Variants in CEP152 observed in about 807,000 individuals in gnomAD.
The protein encoded by CEP152 is centrosomal protein 152, also known as centrosomal protein of 152 kDa.
A neutral mutation model predicts 188.9 loss-of-function variants in CEP152; 132 were observed. The observed-to-expected ratio is 0.70, with a 90% CI of 0.61 to 0.81. The LOEUF is 0.81. CEP152 is among the 30% of genes least tolerant of loss of function. The pLI is 0.00. For synonymous variants in CEP152, 649 were observed against 666.6 expected (o/e 0.97, Z 0.41); for missense variants, 1,914 against 1,969.8 (o/e 0.97, Z 0.54).
At chr15:48,808,325 C>T (rs1855497618) in intron 1 of CEP152, among the ~76,000 whole-genome samples, 1 of 147,750 alleles carries the variant, frequency 6.8e-6, no homozygotes, top group Non-Finnish European at 1.5e-5. Flanking sequence ...GAAACCTAAC[C>T]ACAAAAAATA....
intron 12 of CEP152, among the ~76,000 whole-genome samples, chr15:48,774,408 TACATCACACCA>T (rs1216174478): frequency 6.6e-6 from 1 of 152,060 alleles, no homozygotes; most frequent in Non-Finnish European, 1.5e-5. Flanking sequence ...AAAACCAGCA[TACATCACACCA>T]ATGTCAGATT....
chr15:48,753,262 G>A (rs1894009112), intron 20 of CEP152, among the ~76,000 whole-genome samples: 1 of 152,092 alleles, frequency 6.6e-6, no homozygotes, highest in Admixed American at 6.5e-5. Context: ...CTCAACCCTC[G>A]TGATCCGCCT....
At chr15:48,758,124 T>A (rs1894410170) in intron 19 of CEP152, among the ~76,000 whole-genome samples, 4 of 152,230 alleles carry the variant, frequency 2.6e-5, no homozygotes, top group Non-Finnish European at 4.4e-5. Context: ...CAGGCAACAG[T>A]ATTTTTTAAA....
rs558903915 is a variant in CEP152 at position 48,799,110 on chromosome 15, A to G, written c.88-1059T>C. On this transcript the variant is annotated intron_variant, in intron 2 of 26. Coordinates refer to ENST00000380950, the MANE Select transcript of CEP152 (RefSeq NM_001194998.2). Reference sequence around the variant, plus strand: ...AAGGACATAAATCAAACCCCATAACATTGTGCAAGTGGATTTTAAAGACTT... The same window carrying G: ...AAGGACATAAATCAAACCCCATAACGTTGTGCAAGTGGATTTTAAAGACTT... Among the ~76,000 whole-genome samples, 29 of 152,194 alleles carry G rather than the reference A, an allele frequency of 1.9e-4. No individual in the cohort carries two copies. In the South Asian group the frequency reaches 3.7e-3, roughly 20 times the overall value.
chr15:48,763,004 T>C (rs1215531282), intron 17 of CEP152, among the ~76,000 whole-genome samples: 1 of 151,976 alleles, frequency 6.6e-6, no homozygotes, highest in Non-Finnish European at 1.5e-5. Context: ...AAAAAAAAAT[T>C]ACAGTTAATG....
At chr15:48,767,893 G>A (rs1336111622) in intron 15 of CEP152, among the ~76,000 whole-genome samples, 1 of 152,100 alleles carries the variant, frequency 6.6e-6, no homozygotes. Context: ...TTGGTATTTG[G>A]AAGACATATT....
chr15:48,741,021 T>C, intron 26 of CEP152: 1 of 987,140 alleles, frequency 1.0e-6, no homozygotes. Flanking sequence ...TTGCTCCTAA[T>C]TGCAATAGTC....
At chr15:48,767,580 G>T in intron 15 of CEP152, 117 bp from the exon 16 acceptor site, 1 of 1,391,274 alleles carries the variant, frequency 7.2e-7, no homozygotes, top group Non-Finnish European at 1.0e-6. Context: ...ATTGAGGTCA[G>T]ATAACTTTTC....
chr15:48,767,817 CAA>C (rs1301405234), intron 15 of CEP152, among the ~76,000 whole-genome samples: 2 of 152,144 alleles, frequency 1.3e-5, no homozygotes, highest in Admixed American at 1.3e-4. Context: ...ATATTAAACA[CAA>C]ATACTAGCAG....
chr15:48,735,072 C>T (rs1892551033), downstream of CEP152, among the ~76,000 whole-genome samples: 1 of 152,162 alleles, frequency 6.6e-6, no homozygotes, highest in African/African-American at 2.4e-5. Flanking sequence ...ACATTCTTTT[C>T]AGGTGCATGT....
At chr15:48,752,557 GA>G (rs1893955107) in intron 20 of CEP152, 88 bp from the exon 21 acceptor site, 3 of 1,526,952 alleles carry the variant, frequency 2.0e-6, no homozygotes, top group Admixed American at 2.0e-5. Flanking sequence ...AATACAAAGA[GA>G]AAACACTACC....
At chr15:48,755,599 T>C (rs1024706532) in intron 20 of CEP152, among the ~76,000 whole-genome samples, 3 of 152,180 alleles carry the variant, frequency 2.0e-5, no homozygotes, top group African/African-American at 7.2e-5. Context: ...GCTGCACCTA[T>C]CAACCTGTCA....
chr15:48,782,582 C>A (rs529867677), intron 10 of CEP152, among the ~76,000 whole-genome samples: 48 of 152,248 alleles, frequency 3.2e-4, no homozygotes, highest in African/African-American at 1.1e-3. Context: ...TTCTTTGGAA[C>A]CCATTTCTAC....
intron 13 of CEP152, among the ~76,000 whole-genome samples, chr15:48,769,303 A>G (rs1196958550): frequency 1.3e-5 from 2 of 152,176 alleles, no homozygotes; most frequent in Non-Finnish European, 2.9e-5. Flanking sequence ...AATGTCTCCA[A>G]TTTGCCCCAA....
At chr15:48,803,362 AC>A (rs903426418) in intron 2 of CEP152, among the ~76,000 whole-genome samples, 2 of 152,226 alleles carry the variant, frequency 1.3e-5, no homozygotes, top group African/African-American at 4.8e-5. Flanking sequence ...GGGTTTGACC[AC>A]CCAATTTATT....
intron 13 of CEP152, among the ~76,000 whole-genome samples, chr15:48,770,255 G>A (rs1017057848): frequency 1.3e-5 from 2 of 152,190 alleles, no homozygotes; most frequent in Non-Finnish European, 2.9e-5. Context: ...GAGGTGGGCA[G>A]ATCACTTGAG....
Position 48,749,867 on chromosome 15 carries a change from G to A in CEP152, c.3467-1257C>T, listed in dbSNP as rs570978360. On this transcript the variant is annotated intron_variant, in intron 21 of 26. Coordinates refer to ENST00000380950, the MANE Select transcript of CEP152 (RefSeq NM_001194998.2). ...AAAAAATGCTATAAGACATTATTGG[G>A]TCAATTGACAAAATTAGAATACAAC... 2.6e-5 allele frequency among the ~76,000 whole-genome samples: 4 copies of A among 152,082 alleles called. No individual in the cohort carries two copies. The South Asian group carries it at 8.3e-4, about 32-fold the overall frequency.
At chr15:48,796,197 C>G (rs375106862) in intron 5 of CEP152, 37 bp from the exon 6 acceptor site, 1 of 1,609,460 alleles carries the variant, frequency 6.2e-7, no homozygotes, top group Non-Finnish European at 8.5e-7. Context: ...TAAGATTTGG[C>G]CTTTTCTTCC....
At chr15:48,791,737 G>T (rs1031022127) in intron 7 of CEP152, among the ~76,000 whole-genome samples, 1 of 151,152 alleles carries the variant, frequency 6.6e-6, no homozygotes, top group African/African-American at 2.4e-5. Context: ...GGCTAGTCTC[G>T]AACTCCTAAC....
Sources: gnomAD v4.1 joint callset for allele counts (sites outside exome capture counted in the v4.1 genomes callset) on GRCh38, gnomAD v4.1.1 for gene constraint, MANE v1.5 for transcripts, NCBI Gene and HGNC (gene_info 2026-07-23, HGNC 2026-07-21) for gene names.